Variants in DPP10 observed in about 807,000 individuals in gnomAD.
The protein encoded by DPP10 is dipeptidyl peptidase like 10, also known as inactive dipeptidyl peptidase 10.
Under a neutral mutation model 120.9 loss-of-function variants are expected in DPP10, and 33 were observed. The ratio of observed to expected loss-of-function variants is 0.27; its 90% CI spans 0.21 to 0.37. DPP10 has a LOEUF of 0.37. Ranked by LOEUF, DPP10 falls within the 10% of genes least tolerant of loss-of-function variation. The pLI, the probability that DPP10 is intolerant of heterozygous loss-of-function variation, is 1.00. For synonymous variants in DPP10, 337 were observed against 326.1 expected (o/e 1.03, Z -0.36); for missense variants, 816 against 942.8 (o/e 0.87, Z 1.76).
Position 115,141,210 on chromosome 2 carries a change from T to C in DPP10, c.61-168029T>C, listed in dbSNP as rs184888867. Among the ~76,000 whole-genome samples the C allele has an allele frequency of 1.8e-3, 267 of 152,360 alleles. 7 individuals carry two copies. Among genetic ancestry groups the C allele is most frequent in the African/African-American group, 5.9e-3 (246 of 41,580 alleles). ...TTCCTTAATTAATTCTCATTGCTTCTACTCAGTACGCAGTTCTTATAAATC... is the reference window on the plus strand; with the variant it reads ...TTCCTTAATTAATTCTCATTGCTTCCACTCAGTACGCAGTTCTTATAAATC... On this transcript the variant is annotated intron_variant, in intron 1 of 25. Transcript: ENST00000410059.
chr2:115,727,200 C>G (rs1342629840), intron 7 of DPP10, among the ~76,000 whole-genome samples: 1 of 152,036 alleles, frequency 6.6e-6, no homozygotes, highest in African/African-American at 2.4e-5. Flanking sequence ...CTCTCTGGAA[C>G]TCTCAGTTAT....
intron 7 of DPP10, among the ~76,000 whole-genome samples, chr2:115,709,349 G>A (rs954334919): frequency 3.9e-5 from 6 of 152,042 alleles, no homozygotes; most frequent in South Asian, 2.1e-4. Context: ...TGGTGTGCAC[G>A]TACTCAGGCA....
At chr2:115,315,720 T>C (rs761020963) in intron 2 of DPP10, among the ~76,000 whole-genome samples, 1 of 152,182 alleles carries the variant, frequency 6.6e-6, no homozygotes, top group Non-Finnish European at 1.5e-5. Context: ...CATAGTCTAA[T>C]GTGTCTCTGC....
chr2:114,975,805 C>T (rs1699717823), intron 1 of DPP10, among the ~76,000 whole-genome samples: 1 of 152,046 alleles, frequency 6.6e-6, no homozygotes, highest in East Asian at 1.9e-4. Flanking sequence ...CATACACCAC[C>T]ACGACCAGCT....
At chr2:114,719,266 G>A (rs1230458980) in intron 1 of DPP10, among the ~76,000 whole-genome samples, 1 of 152,140 alleles carries the variant, frequency 6.6e-6, no homozygotes, top group Non-Finnish European at 1.5e-5. Context: ...TCCAGCCTAG[G>A]CATTCCTTCT....
At chr2:115,499,967 T>C (rs145560185) in intron 4 of DPP10, among the ~76,000 whole-genome samples, 60 of 152,146 alleles carry the variant, frequency 3.9e-4, no homozygotes, top group African/African-American at 1.3e-3. Flanking sequence ...TCTTTACTTT[T>C]CATTCTTTCT....
At chr2:114,910,902 G>T (rs1694317794) in intron 1 of DPP10, among the ~76,000 whole-genome samples, 1 of 151,994 alleles carries the variant, frequency 6.6e-6, no homozygotes, top group Non-Finnish European at 1.5e-5. Context: ...TTCCCACTAT[G>T]CAGGGAAGTA....
chr2:115,411,278 G>A (rs1232276391), intron 3 of DPP10, among the ~76,000 whole-genome samples: 1 of 152,088 alleles, frequency 6.6e-6, no homozygotes, highest in Non-Finnish European at 1.5e-5. Flanking sequence ...GTTGCAGTGA[G>A]CCGAGATTGC....
At chr2:115,436,858 A>T (rs1301865446) in intron 3 of DPP10, among the ~76,000 whole-genome samples, 1 of 151,922 alleles carries the variant, frequency 6.6e-6, no homozygotes, top group Non-Finnish European at 1.5e-5. Flanking sequence ...TTTTAAACTG[A>T]ACCATCTTTA....
intron 1 of DPP10, among the ~76,000 whole-genome samples, chr2:115,276,297 G>T (rs567280784): frequency 6.6e-6 from 1 of 152,046 alleles, no homozygotes; most frequent in Non-Finnish European, 1.5e-5. Context: ...CCTGTCACTT[G>T]TATCAGTCAA....
At chr2:114,787,325 C>T (rs144473239) in intron 1 of DPP10, among the ~76,000 whole-genome samples, 29 of 152,216 alleles carry the variant, frequency 1.9e-4, no homozygotes, top group Admixed American at 8.5e-4. Flanking sequence ...CCAGTGTGAA[C>T]CTTGGAGTGT....
intron 1 of DPP10, chr2:114,833,751 A>T (rs1219275376): frequency 6.6e-6 from 1 of 152,246 alleles, no homozygotes; most frequent in African/African-American, 2.4e-5. Context: ...AAGATGCTGC[A>T]TAGAACACGT....
At chr2:115,277,388 A>G (rs915838098) in intron 1 of DPP10, among the ~76,000 whole-genome samples, 1 of 144,588 alleles carries the variant, frequency 6.9e-6, no homozygotes. Context: ...AGCACAAGGT[A>G]CTTTTGGAGA....
intron 3 of DPP10, among the ~76,000 whole-genome samples, chr2:115,397,625 A>G (rs1369138558): frequency 6.6e-6 from 1 of 151,956 alleles, no homozygotes; most frequent in African/African-American, 2.4e-5. Context: ...AAGTTGTACC[A>G]CTCCTTGCTT....
At chr2:115,342,254 A>G (rs944313994) in intron 2 of DPP10, 2 of 399,072 alleles carry the variant, frequency 5.0e-6, no homozygotes, top group Admixed American at 5.6e-5. Flanking sequence ...GCTGGAGTAT[A>G]GTGGTGCAGT....
chr2:114,450,194 C>A (rs1678181769), intron 1 of DPP10, among the ~76,000 whole-genome samples: 1 of 152,168 alleles, frequency 6.6e-6, no homozygotes, highest in East Asian at 1.9e-4. Context: ...CTTCCCCATC[C>A]CCCAAACCCC....
At chr2:115,699,114 A>T (rs893370262) in intron 7 of DPP10, among the ~76,000 whole-genome samples, 2 of 151,500 alleles carry the variant, frequency 1.3e-5, no homozygotes, top group Middle Eastern at 7.0e-3. Context: ...TTTCTACACA[A>T]ATAAAAAGGA....
At chr2:115,668,229 C>A (rs1252934514) in intron 5 of DPP10, among the ~76,000 whole-genome samples, 2 of 151,764 alleles carry the variant, frequency 1.3e-5, no homozygotes, top group African/African-American at 4.9e-5. Context: ...ATGTTCCCGC[C>A]AACATTGATG....
At chr2:114,611,583 T>C (rs1222582552) in intron 1 of DPP10, among the ~76,000 whole-genome samples, 1 of 152,224 alleles carries the variant, frequency 6.6e-6, no homozygotes, top group Non-Finnish European at 1.5e-5. Context: ...TGTTTTGTGT[T>C]ACATTATGAG....
Sources: gnomAD v4.1 joint callset for allele counts (sites outside exome capture counted in the v4.1 genomes callset) on GRCh38, gnomAD v4.1.1 for gene constraint, MANE v1.5 for transcripts, NCBI Gene and HGNC (gene_info 2026-07-23, HGNC 2026-07-21) for gene names.